CEP120: variants seen among roughly 807,000 people sequenced by gnomAD.
The protein encoded by CEP120 is centrosomal protein of 120 kDa.
In CEP120, 113 loss-of-function variants were observed where a neutral mutation model predicts 126.5. The ratio of observed to expected loss-of-function variants is 0.89; its 90% confidence interval spans 0.77 to 1.04. The LOEUF (loss-of-function observed/expected upper bound fraction) is 1.04. Among genes scored for constraint, CEP120 ranks in the 50% least tolerant of loss-of-function variants. The probability of loss-of-function intolerance (pLI) is 0.00; values close to 1 mark genes in which losing one functional copy is unlikely to be tolerated. For missense variants in CEP120, 1,230 were observed against 1,155.7 expected (o/e 1.06, Z -0.93); for synonymous variants, 400 against 394.3 (o/e 1.01, Z -0.17).
At chr5:123,377,564 G>T in intron 15 of CEP120, 29 bp from the exon 16 acceptor site, 1 of 1,548,166 alleles carries the variant, frequency 6.5e-7, no homozygotes, top group East Asian at 2.3e-5. Context: ...TTAAGAGGTT[G>T]GTTTATTGCT....
chr5:123,354,974 C>T (rs1445427017), intron 18 of CEP120, among the ~76,000 whole-genome samples: 3 of 151,450 alleles, frequency 2.0e-5, no homozygotes, highest in South Asian at 4.2e-4. Context: ...TGTGATGTCC[C>T]CCTTCCTGTG....
intron 10 of CEP120, 98 bp from the exon 11 acceptor site, chr5:123,385,231 T>A: frequency 2.2e-6 from 2 of 909,594 alleles, no homozygotes; most frequent in East Asian, 5.5e-5. Flanking sequence ...GTCAAAGATG[T>A]TTTTTGTTAC....
chr5:123,423,619 A>T (rs1021391091), upstream of CEP120: 31 of 152,072 alleles, frequency 2.0e-4, no homozygotes, highest in Admixed American at 5.9e-4. Context: ...GTAGCCTTTA[A>T]GGAGCGTGAG....
chr5:123,356,777 C>T (rs377163508), intron 18 of CEP120, among the ~76,000 whole-genome samples: 1 of 152,174 alleles, frequency 6.6e-6, no homozygotes, highest in South Asian at 2.1e-4. Flanking sequence ...TATTTTTGCA[C>T]TATTTTTGTC....
chr5:123,405,772 T>C (rs1460484105), intron 4 of CEP120, among the ~76,000 whole-genome samples: 8 of 151,660 alleles, frequency 5.3e-5, no homozygotes, highest in Middle Eastern at 3.2e-3. Context: ...TTTTGTCCCA[T>C]ACATCATGTC....
rs991920254 is a variant in CEP120 at position 123,378,208 on chromosome 5, C to A, written c.2196+128G>T. 4.7e-5 allele frequency: 29 copies of A among 612,660 alleles called. No homozygotes were observed. In the African/African-American group the frequency reaches 5.0e-4, roughly 11 times the overall value. The allele number at this position is 612,660 out of a possible 1,614,324, so 38.0% of individuals were successfully genotyped here. ...TATTCCAGTCTTTGCTTGTCTCATT[C>A]TTATAAGCAGCCCATCCTGAGTCCC... On this transcript the variant is annotated intron_variant, in intron 15 of 19. Coordinates refer to ENST00000306467, the MANE Select transcript of CEP120 (RefSeq NM_001375405.1).
intron 2 of CEP120, among the ~76,000 whole-genome samples, chr5:123,416,441 C>T (rs146030578): frequency 1.3e-4 from 20 of 151,746 alleles, no homozygotes; most frequent in African/African-American, 4.6e-4. Context: ...TGTGGTGCCA[C>T]GCGCCTGTAA....
intron 11 of CEP120, 28 bp downstream of exon 11, chr5:123,384,923 C>T (rs749372086): frequency 1.3e-6 from 2 of 1,544,252 alleles, no homozygotes; most frequent in Admixed American, 2.0e-5. Context: ...AAAAGAAAAG[C>T]AAATACCAAT....
intron 15 of CEP120, among the ~76,000 whole-genome samples, 175 bp from the exon 16 acceptor site, chr5:123,377,710 A>G (rs548880768): frequency 6.6e-6 from 1 of 152,238 alleles, no homozygotes; most frequent in Non-Finnish European, 1.5e-5. Flanking sequence ...GTTTTCAATC[A>G]TTGTTTAATA....
intron 4 of CEP120, among the ~76,000 whole-genome samples, chr5:123,407,772 T>C (rs1773793425): frequency 6.6e-6 from 1 of 152,200 alleles, no homozygotes; most frequent in Admixed American, 6.5e-5. Context: ...ATACACATTC[T>C]TCTCAAGCTT....
chr5:123,391,253 T>C lies in CEP120; in HGVS notation c.895A>G (p.Asn299Asp). 6.2e-7 allele frequency: 1 copy of C among 1,614,240 alleles called. No homozygotes were observed. The highest frequency in any genetic ancestry group is 8.5e-7 in the Non-Finnish European group (1 of 1,180,040). The change falls in exon 7 of 20, where the codon AAC becomes GAC. Residue 299 changes from asparagine to aspartate, a missense_variant. Asn to Asp is a conservative substitution (Grantham distance 23). Coordinates refer to ENST00000306467, the MANE Select transcript of CEP120 (RefSeq NM_001375405.1). ...GLLKKGSTEI[N>D]QHPVTVEGAF... ...CCTTCGACTGTGACTGGGTGCTGGT[T>C]GATTTCTGTACTGCCCTTTTTAAGT...
rs182973862 is a variant in CEP120, at chr5:123,355,111, G to T, written c.2581-5022C>A. On this transcript the variant is annotated intron_variant, in intron 18 of 19. Coordinates refer to ENST00000306467, the MANE Select transcript of CEP120 (RefSeq NM_001375405.1). Reference sequence around the variant, plus strand: ...TCATCCATGTCCCTACAAGGGACATGAACTCATCATTTTTTATGGCTGCAT... The same window carrying T: ...TCATCCATGTCCCTACAAGGGACATTAACTCATCATTTTTTATGGCTGCAT... Among the ~76,000 whole-genome samples, 159 of 152,162 alleles carry T rather than the reference G, an allele frequency of 1.0e-3. 1 individual carries two copies. The highest frequency in any genetic ancestry group is 3.6e-3 in the African/African-American group (149 of 41,510).
intron 19 of CEP120, among the ~76,000 whole-genome samples, chr5:123,349,586 T>C (rs1452786091): frequency 2.0e-5 from 3 of 152,174 alleles, no homozygotes; most frequent in Admixed American, 6.5e-5. Context: ...GGACTTGCCA[T>C]AGCTGTATTC....
At chr5:123,379,066 A>G (rs1315049467) in intron 14 of CEP120, among the ~76,000 whole-genome samples, 1 of 152,116 alleles carries the variant, frequency 6.6e-6, no homozygotes, top group African/African-American at 2.4e-5. Context: ...GAAGCCAAAT[A>G]GAGGAAGTGT....
At chr5:123,388,228 GAAT>G (rs539342386) in intron 9 of CEP120, 91 of 334,250 alleles carry the variant, frequency 2.7e-4, no homozygotes, top group African/African-American at 1.8e-3. Flanking sequence ...TATTATATCA[GAAT>G]AATAAGACAG....
chr5:123,398,411 G>C (rs901037492), intron 5 of CEP120, among the ~76,000 whole-genome samples: 4 of 152,158 alleles, frequency 2.6e-5, no homozygotes, highest in African/African-American at 9.7e-5. Context: ...CCATTTCCCA[G>C]GGTTGTTTAA....
intron 14 of CEP120, among the ~76,000 whole-genome samples, chr5:123,380,137 T>C (rs1554102206): frequency 6.6e-6 from 1 of 152,122 alleles, no homozygotes; most frequent in Non-Finnish European, 1.5e-5. Context: ...TCACATATAA[T>C]TGACATTTAA....
At chr5:123,365,385 C>A (rs912575198) in intron 17 of CEP120, among the ~76,000 whole-genome samples, 1 of 151,680 alleles carries the variant, frequency 6.6e-6, no homozygotes, top group African/African-American at 2.4e-5. Flanking sequence ...AGCCAACAGA[C>A]AGTTTTACTA....
rs563092801 is a variant in CEP120, at chr5:123,384,305, A to C, written c.1763+646T>G. On this transcript the variant is annotated intron_variant, in intron 11 of 19. Transcript: ENST00000306467. Reference sequence around the variant, plus strand: ...ACTGAGCCTTGTTTCTCTTTTTTTTAGTCTTATCTTTAATGATAAAGGGCA... The same window carrying C: ...ACTGAGCCTTGTTTCTCTTTTTTTTCGTCTTATCTTTAATGATAAAGGGCA... 2.0e-5 allele frequency among the ~76,000 whole-genome samples: 3 copies of C among 151,950 alleles called. No individual in the cohort carries two copies. In the East Asian group the frequency reaches 5.8e-4, roughly 29 times the overall value.
Sources: gnomAD v4.1 joint callset for allele counts (sites outside exome capture counted in the v4.1 genomes callset) on GRCh38, gnomAD v4.1.1 for gene constraint, MANE v1.5 for transcripts, NCBI Gene and HGNC (gene_info 2026-07-23, HGNC 2026-07-21) for gene names.